DCAKD: variants seen among roughly 807,000 people sequenced by gnomAD.
DCAKD encodes dephospho-CoA kinase domain containing.
A neutral mutation model predicts 18.7 loss-of-function variants in DCAKD; 15 were observed. The ratio of observed to expected loss-of-function variants is 0.80; its 90% CI spans 0.54 to 1.24. The LOEUF is 1.24. Among genes scored for constraint, DCAKD ranks in the 50% most tolerant of loss-of-function variants. The probability of loss-of-function intolerance (pLI) is 0.00; values close to 1 mark genes in which losing one functional copy is unlikely to be tolerated. For missense variants in DCAKD, 301 were observed against 322.0 expected (o/e 0.93, Z 0.50); for synonymous variants, 130 against 133.0 (o/e 0.98, Z 0.16).
At chr17:45,038,934 G>A (rs904282412) in intron 1 of DCAKD, among the ~76,000 whole-genome samples, 10 of 152,182 alleles carry the variant, frequency 6.6e-5, no homozygotes, top group Admixed American at 1.3e-4. Flanking sequence ...CTGCAGGAAC[G>A]GTGCCAGGGA....
chr17:45,028,901 C>T, intron 4 of DCAKD, among the ~76,000 whole-genome samples: 1 of 151,452 alleles, frequency 6.6e-6, no homozygotes, highest in East Asian at 1.9e-4. Context: ...GATGGGGTTT[C>T]ACCATGTTGG....
chr17:45,031,267 C>T (rs962178098), intron 3 of DCAKD: 1 of 985,238 alleles, frequency 1.0e-6, no homozygotes, highest in African/African-American at 1.7e-5. Flanking sequence ...GCTTGGTTTC[C>T]TGTTCCCCAA....
intron 1 of DCAKD, among the ~76,000 whole-genome samples, chr17:45,058,475 A>G (rs2053811449): frequency 6.6e-6 from 1 of 151,614 alleles, no homozygotes; most frequent in Admixed American, 6.6e-5. Flanking sequence ...GCTGGAGTGC[A>G]GTGGCAGAAT....
At chr17:45,039,516 T>C (rs1597963663) in intron 1 of DCAKD, among the ~76,000 whole-genome samples, 1 of 152,294 alleles carries the variant, frequency 6.6e-6, no homozygotes, top group South Asian at 2.1e-4. Flanking sequence ...ATGGCTAAAA[T>C]GAAAGGCTGT....
At chr17:45,054,254 AT>A (rs1187044772), upstream of DCAKD, 2,894 of 372,720 alleles carry the variant, frequency 7.8e-3, no homozygotes, top group East Asian at 0.017. Flanking sequence ...AGTTTTATTT[AT>A]TTTTTTTTTT....
At chr17:45,035,509 G>T (rs972882695) in intron 1 of DCAKD, among the ~76,000 whole-genome samples, 1 of 137,526 alleles carries the variant, frequency 7.3e-6, no homozygotes, top group Non-Finnish European at 1.6e-5. Flanking sequence ...AAAAGCAAAC[G>T]AACACTATAA....
At chr17:45,029,946 G>A in intron 4 of DCAKD, 146 bp downstream of exon 4, 2 of 744,684 alleles carry the variant, frequency 2.7e-6, no homozygotes, top group Non-Finnish European at 4.8e-6. Context: ...ACAAAGGTTG[G>A]TTTCTACAGA....
chr17:45,024,713 G>A lies in DCAKD; in HGVS notation c.416C>T (p.Thr139Ile). The stretch of plus-strand genomic sequence containing the variant: ...CCGCCGCATCAGCCGTGCCAGCTGT[G>A]TGTCCCGGTCGCTAAGGATAGGGCA... Reference protein sequence around the residue: ...HTVVVYCDRDTQLARLMRRNS... With the variant: ...HTVVVYCDRDIQLARLMRRNS... Residue 139 changes from threonine (T) to isoleucine (I), a missense_variant, in exon 5 of 5, where the codon ACA (threonine) becomes ATA (isoleucine). By Grantham distance (89) the Thr-to-Ile change is moderately conservative (BLOSUM62 -1). Transcript: ENST00000651974. The A allele has an allele frequency of 6.3e-7, 1 of 1,580,518 alleles. No homozygotes were observed. Among genetic ancestry groups the A allele is most frequent in the Non-Finnish European group, 8.6e-7 (1 of 1,158,258 alleles).
intron 1 of DCAKD, among the ~76,000 whole-genome samples, chr17:45,047,263 A>G (rs2053590833): frequency 6.6e-6 from 1 of 151,988 alleles, no homozygotes; most frequent in South Asian, 2.1e-4. Flanking sequence ...GGATAGATAC[A>G]TGAGGTTTAA....
rs1168925447 is a variant in DCAKD, at chr17:45,024,444, G to A, written c.685C>T (p.Pro229Ser). 4.4e-6 allele frequency: 7 copies of A among 1,605,434 alleles called. No homozygotes were observed. Among genetic ancestry groups the A allele is most frequent in the Non-Finnish European group, 6.0e-6 (7 of 1,172,964 alleles). The change falls in exon 5 of 5, where the codon CCT (proline) becomes TCT (serine). Residue 229 changes from proline (P) to serine (S), a missense_variant. Coordinates refer to ENST00000651974, the MANE Select transcript of DCAKD (RefSeq NM_001288655.2). Reference protein sequence around the residue: ...LLYLLTHYLLPYA With the variant: ...LLYLLTHYLLSYA ...CCTTGAGTGCCCCACTAGGCGTAAGGCAGAAGGTAGTGGGTGAGCAGGTAG... is the reference window on the plus strand; with the variant it reads ...CCTTGAGTGCCCCACTAGGCGTAAGACAGAAGGTAGTGGGTGAGCAGGTAG...
In DCAKD at chr17:45,034,354, A is replaced by G. The variant is rs1184165652; in HGVS notation, c.149T>C (p.Val50Ala). 2.5e-6 allele frequency: 4 copies of G among 1,613,820 alleles called. No homozygotes were observed. ...QPGYPAHRRI[V>A]EVFGTEVLLE... The stretch of plus-strand genomic sequence containing the variant: ...CAAGACCTCAGTGCCGAAGACCTCT[A>G]CGATGCGCCGGTGGGCAGGGTATCC... The change falls in exon 3 of 5, where the codon GTA (valine) becomes GCA (alanine). Residue 50 changes from valine to alanine, a missense_variant. Physicochemically the swap from Val to Ala is moderately conservative, Grantham distance 64 (BLOSUM62 0). Transcript: ENST00000651974.
chr17:45,037,296 T>G (rs2053323329), intron 1 of DCAKD, among the ~76,000 whole-genome samples: 1 of 151,948 alleles, frequency 6.6e-6, no homozygotes, highest in Admixed American at 6.6e-5. Flanking sequence ...CAAGGCTCTC[T>G]CTCTATTAAA....
intron 1 of DCAKD, among the ~76,000 whole-genome samples, chr17:45,057,863 T>C (rs1169912415): frequency 6.7e-6 from 1 of 149,286 alleles, no homozygotes; most frequent in Admixed American, 6.7e-5. Context: ...GTACAAAAAT[T>C]AGCTGGGCGT....
chr17:45,030,760 C>T (rs527494209), intron 3 of DCAKD, among the ~76,000 whole-genome samples: 4 of 152,336 alleles, frequency 2.6e-5, no homozygotes, highest in South Asian at 4.1e-4. Flanking sequence ...CACGTTGGGG[C>T]GGCAGCAGCA....
At position 45,034,994 on chromosome 17, in the gene DCAKD, A is replaced by C. The variant is rs2053262164; in HGVS notation, c.-109T>G. On this transcript the variant is annotated 5_prime_UTR_variant, in exon 2 of 5. Transcript: ENST00000651974. ...GGGCGGTCCACCAGAGGAGTGCCAGAAGGACCTGCTTGGGAGAGGCCAGCG... is the reference window on the plus strand; with the variant it reads ...GGGCGGTCCACCAGAGGAGTGCCAGCAGGACCTGCTTGGGAGAGGCCAGCG... The C allele has an allele frequency of 8.6e-6, 10 of 1,156,144 alleles. No homozygotes were observed. Among genetic ancestry groups the C allele is most frequent in the Non-Finnish European group, 1.3e-5 (10 of 793,728 alleles). 71.6% of individuals were successfully genotyped at this position (1,156,144 alleles called of 1,614,324 possible).
intron 1 of DCAKD, among the ~76,000 whole-genome samples, chr17:45,060,275 G>A (rs541359999): frequency 4.6e-5 from 7 of 152,160 alleles, no homozygotes; most frequent in South Asian, 2.1e-4. Context: ...TGTAATCCCA[G>A]CACTTTGCGG....
intron 1 of DCAKD, among the ~76,000 whole-genome samples, chr17:45,036,276 G>A (rs1289830642): frequency 6.6e-6 from 1 of 152,208 alleles, no homozygotes; most frequent in African/African-American, 2.4e-5. Flanking sequence ...CAGCACTTTG[G>A]GAGGCCGAGG....
chr17:45,040,507 G>A lies in DCAKD; in HGVS notation c.-114-5508C>T, dbSNP rs1204402876. ...TCACAGAACTGGCTTGGCTGGAGGC[G>A]GAAGGACAACACCAAGTCCACAGTA... On this transcript the variant is annotated intron_variant, in intron 1 of 4. Transcript: ENST00000651974. Among the ~76,000 whole-genome samples, 6 of 152,092 alleles carry A rather than the reference G, an allele frequency of 3.9e-5. No homozygotes were observed. The East Asian group carries it at 9.6e-4, about 24-fold the overall frequency.
chr17:45,047,648 G>A (rs2053600945), intron 1 of DCAKD, among the ~76,000 whole-genome samples: 1 of 151,956 alleles, frequency 6.6e-6, no homozygotes, highest in African/African-American at 2.4e-5. Flanking sequence ...GGGATTACAG[G>A]CACACGCCAC....
Sources: gnomAD v4.1 joint callset for allele counts (sites outside exome capture counted in the v4.1 genomes callset) on GRCh38, gnomAD v4.1.1 for gene constraint, MANE v1.5 for transcripts, NCBI Gene and HGNC (gene_info 2026-07-23, HGNC 2026-07-21) for gene names.